The following TLK2 variants were observed in gnomAD, a reference collection of about 807,000 sequenced individuals.
The protein encoded by TLK2 is tousled like kinase 2, also known as serine/threonine-protein kinase tousled-like 2.
TLK2 carries 6 observed loss-of-function variants against 117.3 expected under a neutral mutation model. The observed-to-expected ratio is 0.05, with a 90% CI of 0.03 to 0.10. The LOEUF is 0.10. TLK2 is among the 10% of genes least tolerant of loss of function. The probability of loss-of-function intolerance (pLI) is 1.00; values close to 1 mark genes in which losing one functional copy is unlikely to be tolerated. For missense variants in TLK2, 299 were observed against 901.2 expected, an observed-to-expected ratio of 0.33 and a Z score of 8.56; for synonymous variants, 257 against 316.7, an observed-to-expected ratio of 0.81 and a Z score of 2.00.
chr17:62,586,903 A>C (rs2081651049), intron 16 of TLK2, among the ~76,000 whole-genome samples: 1 of 151,364 alleles, frequency 6.6e-6, no homozygotes, highest in African/African-American at 2.4e-5. Flanking sequence ...CTGCTACTTC[A>C]GTCATTTCCT....
At position 62,479,294 on chromosome 17, in the gene TLK2, A is replaced by G; in HGVS notation, c.-6+4A>G. 1 of 165,478 alleles carries G rather than the reference A, an allele frequency of 6.0e-6. No homozygotes were observed. The highest frequency in any genetic ancestry group is 1.3e-5 in the Non-Finnish European group (1 of 78,814). The allele number at this position is 165,478 out of a possible 1,614,324, so 10.3% of individuals were successfully genotyped here. ...GCGGCGGCGGCGGCGGCGGCAGGTG[A>G]GAGGCTGAGCCCCGGGCGGGGGAGG... On this transcript the variant is annotated splice_donor_region_variant and intron_variant, in intron 1 of 21. Coordinates refer to ENST00000346027, the MANE Select transcript of TLK2 (RefSeq NM_006852.6).
chr17:62,486,032 G>A (rs944394203), intron 2 of TLK2, among the ~76,000 whole-genome samples: 2 of 151,994 alleles, frequency 1.3e-5, no homozygotes, highest in African/African-American at 4.8e-5. Context: ...GTGTTAGCCA[G>A]GATGGTCTCG....
intron 15 of TLK2, among the ~76,000 whole-genome samples, chr17:62,584,220 C>T (rs1379063345): frequency 6.9e-6 from 1 of 144,818 alleles, no homozygotes; most frequent in East Asian, 2.1e-4. Context: ...GGGTTCACGC[C>T]ATTCTCCTGC....
chr17:62,504,277 G>A (rs2074474559), intron 2 of TLK2, among the ~76,000 whole-genome samples: 1 of 152,116 alleles, frequency 6.6e-6, no homozygotes, highest in Non-Finnish European at 1.5e-5. Context: ...ATATAGTACT[G>A]TTTTATTTAA....
At chr17:62,570,237 AGATT>A (rs1478265936) in intron 11 of TLK2, among the ~76,000 whole-genome samples, 2 of 152,196 alleles carry the variant, frequency 1.3e-5, no homozygotes, top group Non-Finnish European at 2.9e-5. Flanking sequence ...ATGGTGCAGA[AGATT>A]GATTGTCTTG....
At chr17:62,476,873 G>A (rs1238165481), upstream of TLK2, among the ~76,000 whole-genome samples, 1 of 151,704 alleles carries the variant, frequency 6.6e-6, no homozygotes, top group African/African-American at 2.4e-5. Context: ...ACTGAGGTCA[G>A]GAATTCGAGA....
chr17:62,485,595 A>G lies in TLK2; in HGVS notation c.81+4389A>G, dbSNP rs1261376056. ...TTTACTTCATAATAATGGTAAAACA[A>G]AAGTCATTTATTTTGGGCTTTGGGA... On this transcript the variant is annotated intron_variant, in intron 2 of 21. Transcript: ENST00000346027. 7.9e-5 allele frequency among the ~76,000 whole-genome samples: 12 copies of G among 152,286 alleles called. No homozygotes were observed. The East Asian group carries it at 1.5e-3, about 20-fold the overall frequency.
At chr17:62,555,095 T>G (rs1213625515) in intron 9 of TLK2, among the ~76,000 whole-genome samples, 5 of 152,082 alleles carry the variant, frequency 3.3e-5, no homozygotes, top group Admixed American at 1.3e-4. Context: ...AGCATTTTTC[T>G]CTTTAGTGAT....
intron 2 of TLK2, among the ~76,000 whole-genome samples, chr17:62,515,070 T>G (rs1029075881): frequency 5.9e-5 from 9 of 152,250 alleles, no homozygotes; most frequent in Admixed American, 4.6e-4. Context: ...TTCTACTTTC[T>G]GACTCTATGA....
chr17:62,523,547 G>T (rs943882460), intron 5 of TLK2, among the ~76,000 whole-genome samples: 1 of 152,214 alleles, frequency 6.6e-6, no homozygotes, highest in Non-Finnish European at 1.5e-5. Context: ...CTGCACTCCA[G>T]CCTGGGTGAC....
chr17:62,530,411 G>A (rs184443878), intron 6 of TLK2, among the ~76,000 whole-genome samples: 77 of 152,268 alleles, frequency 5.1e-4, no homozygotes, highest in South Asian at 4.1e-3. Flanking sequence ...AGGCTGGAGC[G>A]AGCCATGATC....
intron 2 of TLK2, among the ~76,000 whole-genome samples, chr17:62,506,481 T>C (rs1422136234): frequency 2.6e-5 from 4 of 152,250 alleles, no homozygotes; most frequent in South Asian, 2.1e-4. Context: ...AATTTTGTTA[T>C]ACAGTTTCTG....
intron 10 of TLK2, among the ~76,000 whole-genome samples, chr17:62,564,023 T>C (rs138604413): frequency 1.3e-5 from 2 of 152,160 alleles, no homozygotes; most frequent in Admixed American, 6.5e-5. Flanking sequence ...AAATATTAGA[T>C]AGAGAAGAAA....
intron 12 of TLK2, chr17:62,574,557 G>A (rs928858287): frequency 3.6e-5 from 22 of 607,280 alleles, no homozygotes; most frequent in African/African-American, 3.2e-4. Context: ...TCACTCCGTC[G>A]CCCAGGCCAG....
chr17:62,474,827 CTTTTT>C (rs748987436), upstream of TLK2, among the ~76,000 whole-genome samples: 4 of 140,420 alleles, frequency 2.8e-5, no homozygotes, highest in South Asian at 2.3e-4. Context: ...CACCTGGCCT[CTTTTT>C]TTTTTTTTTT....
chr17:62,478,176 G>A (rs1006280370), upstream of TLK2: 15 of 151,988 alleles, frequency 9.9e-5, no homozygotes, highest in African/African-American at 2.7e-4. Flanking sequence ...GCCCGCGAAC[G>A]CGGGTGGGCG....
upstream of TLK2, among the ~76,000 whole-genome samples, chr17:62,478,381 C>T (rs2071168524): frequency 6.6e-6 from 1 of 150,594 alleles, no homozygotes; most frequent in African/African-American, 2.4e-5. Flanking sequence ...CGGGTGGACC[C>T]GGGCGGCCAA....
At chr17:62,559,689 T>C (rs977396754) in intron 9 of TLK2, among the ~76,000 whole-genome samples, 5 of 152,158 alleles carry the variant, frequency 3.3e-5, no homozygotes, top group Non-Finnish European at 7.3e-5. Context: ...TAACATTTTT[T>C]TAATTATTAT....
chr17:62,548,425 G>A (rs1201157682), intron 7 of TLK2, among the ~76,000 whole-genome samples: 3 of 151,690 alleles, frequency 2.0e-5, no homozygotes, highest in Non-Finnish European at 4.4e-5. Flanking sequence ...GGGACTACAG[G>A]CACGCACCAC....
Sources: allele counts gnomAD v4.1 joint callset (sites outside exome capture counted in the v4.1 genomes callset), GRCh38; gene constraint gnomAD v4.1.1; transcripts MANE v1.5; gene names NCBI Gene and HGNC (gene_info 2026-07-23, HGNC 2026-07-21).